Variants in FCN2 observed in about 807,000 individuals in gnomAD.
The protein encoded by FCN2 is ficolin 2.
Under a neutral mutation model 32.5 loss-of-function variants are expected in FCN2, and 31 were observed. The observed-to-expected ratio is 0.96, with a 90% confidence interval of 0.72 to 1.29. The LOEUF is 1.29. Ranked by LOEUF, FCN2 falls within the 50% of genes most tolerant of loss-of-function variation. The pLI is 0.00. For missense variants in FCN2, 412 were observed against 406.5 expected (o/e 1.01, Z -0.12); for synonymous variants, 181 against 164.5 (o/e 1.10, Z -0.77).
At chr9:134,879,043 T>C (rs1186232143), upstream of FCN2, among the ~76,000 whole-genome samples, 1 of 152,254 alleles carries the variant, frequency 6.6e-6, no homozygotes. Context: ...ATTTATCCTT[T>C]AGTACCTTGT....
the FCN2 span, among the ~76,000 whole-genome samples, chr9:134,864,685 T>C: frequency 3.9e-5 from 6 of 151,990 alleles, no homozygotes; most frequent in Admixed American, 1.3e-4. Context: ...CCCCGGTGGG[T>C]AGAACCTTAG....
the FCN2 span, among the ~76,000 whole-genome samples, chr9:134,867,153 G>A: frequency 1.6e-5 from 2 of 123,736 alleles, no homozygotes; most frequent in Non-Finnish European, 3.3e-5. Context: ...TATACCCAAA[G>A]GACTATAAAT....
upstream of FCN2, among the ~76,000 whole-genome samples, chr9:134,879,851 G>A (rs2132994262): frequency 6.6e-6 from 1 of 152,314 alleles, no homozygotes; most frequent in Non-Finnish European, 1.5e-5. Context: ...GTGGCAGGGT[G>A]CGGTGGTGGT....
chr9:134,871,889 G>A, the FCN2 span, among the ~76,000 whole-genome samples: 1 of 152,164 alleles, frequency 6.6e-6, no homozygotes, highest in South Asian at 2.1e-4. Flanking sequence ...ATTGAGACAA[G>A]GAACAGATCT....
intron 1 of FCN2, 27 bp from the exon 2 acceptor site, chr9:134,882,499 T>A (rs763114441): frequency 6.4e-7 from 1 of 1,570,650 alleles, no homozygotes; most frequent in South Asian, 1.1e-5. Context: ...CAGGTGACAC[T>A]GAGTGGCCAC....
chr9:134,874,570 T>C, the FCN2 span, among the ~76,000 whole-genome samples: 2 of 152,382 alleles, frequency 1.3e-5, no homozygotes, highest in East Asian at 3.9e-4. Context: ...ATTGTTCTAT[T>C]TGTCTGCTTT....
chr9:134,886,952 G>C (rs1452736263), intron 7 of FCN2, among the ~76,000 whole-genome samples: 1 of 152,130 alleles, frequency 6.6e-6, no homozygotes, highest in Non-Finnish European at 1.5e-5. Flanking sequence ...TACACATTAG[G>C]TGGCAGGGCT....
the FCN2 span, among the ~76,000 whole-genome samples, chr9:134,871,644 C>T: frequency 4.7e-4 from 71 of 152,260 alleles, no homozygotes; most frequent in Non-Finnish European, 7.6e-4. Flanking sequence ...TTCTAGGACC[C>T]GGTGCTGAGA....
chr9:134,874,242 T>C, the FCN2 span, among the ~76,000 whole-genome samples: 2 of 152,256 alleles, frequency 1.3e-5, no homozygotes, highest in Non-Finnish European at 2.9e-5. Context: ...TTAATTTTGA[T>C]ACAATCCGTT....
At chr9:134,880,219 C>T (rs1300380301), upstream of FCN2, among the ~76,000 whole-genome samples, 3 of 152,172 alleles carry the variant, frequency 2.0e-5, no homozygotes, top group African/African-American at 7.2e-5. Context: ...CCCTCCTGTT[C>T]ATGTGCCCCT....
At chr9:134,883,920 C>T (rs2133002631) in intron 3 of FCN2, among the ~76,000 whole-genome samples, 1 of 138,034 alleles carries the variant, frequency 7.2e-6, no homozygotes, top group East Asian at 2.3e-4. Context: ...AGCATCTGCC[C>T]TGTGGGTGGG....
chr9:134,866,865 T>C, the FCN2 span, among the ~76,000 whole-genome samples: 6 of 141,080 alleles, frequency 4.3e-5, no homozygotes, highest in Admixed American at 7.0e-5. Context: ...AAGACATTTA[T>C]GCAGCCAAAA....
Position 134,887,433 on chromosome 9 carries a change from G to C in FCN2, c.*18G>C, listed in dbSNP as rs1163332590. Reference sequence around the variant, plus strand: ...CTGCCTAGCCCAGGCCGGCCTCAGGGTCAGGACGCCTCCACACATAGTTGG... The same window carrying C: ...CTGCCTAGCCCAGGCCGGCCTCAGGCTCAGGACGCCTCCACACATAGTTGG... On this transcript the variant is annotated 3_prime_UTR_variant, in exon 8 of 8. Coordinates refer to ENST00000291744, the MANE Select transcript of FCN2 (RefSeq NM_004108.3). The C allele has an allele frequency of 1.6e-5, 26 of 1,613,498 alleles. No individual in the cohort carries two copies. The highest frequency in any genetic ancestry group is 2.2e-5 in the Non-Finnish European group (26 of 1,179,580).
rs79264803 is a variant in FCN2, at chr9:134,885,189, C to T, written c.302-50C>T. 3.9e-3 allele frequency: 6,258 copies of T among 1,612,682 alleles called. 198 individuals are homozygous for T. In the African/African-American group the frequency reaches 0.071, roughly 18 times the overall value. ...CCAGGCCTCCCTCCTACTGCCTGTGCCCTGCCCAGGGCTCCTGTCCTGCAG... is the reference window on the plus strand; with the variant it reads ...CCAGGCCTCCCTCCTACTGCCTGTGTCCTGCCCAGGGCTCCTGTCCTGCAG... On this transcript the variant is annotated intron_variant, in intron 4 of 7. Coordinates refer to ENST00000291744, the MANE Select transcript of FCN2 (RefSeq NM_004108.3).
At chr9:134,879,326 A>C (rs892655524), upstream of FCN2, among the ~76,000 whole-genome samples, 8 of 152,210 alleles carry the variant, frequency 5.3e-5, no homozygotes, top group African/African-American at 1.9e-4. Flanking sequence ...TAAAATATTA[A>C]TATAATGTCT....
Position 134,885,468 on chromosome 9 carries a change from C to T in FCN2, c.429+102C>T, listed in dbSNP as rs75123259. 8,968 of 1,525,522 alleles carry T rather than the reference C, an allele frequency of 5.9e-3. 425 individuals carry two copies. The African/African-American group carries it at 0.11, about 18-fold the overall frequency. The allele number at this position is 1,525,522 out of a possible 1,614,324, so 94.5% of individuals were successfully genotyped here. A position where few individuals can be genotyped will look rare whatever the true frequency, so the allele number is the denominator to read the frequency against. ...CTCTGGAATTCTCTATTCTCCTGGT[C>T]GGGGACAGTCAGAGATGATGGGGGA... is the stretch of plus-strand genomic sequence containing the variant. On this transcript the variant is annotated intron_variant, in intron 5 of 7. Transcript: ENST00000291744.
chr9:134,864,498 G>C, the FCN2 span, among the ~76,000 whole-genome samples: 14 of 152,322 alleles, frequency 9.2e-5, 1 homozygote, highest in African/African-American at 3.4e-4. Flanking sequence ...GGGAAATGGA[G>C]AGAGAGGTTA....
chr9:134,885,486 A>T (rs1046934393), intron 5 of FCN2, 120 bp downstream of exon 5: 1 of 1,475,458 alleles, frequency 6.8e-7, no homozygotes, highest in African/African-American at 1.4e-5. Flanking sequence ...GTCAGAGATG[A>T]TGGGGGAGAT....
chr9:134,882,564 A>ACCATTCT lies in FCN2; in HGVS notation c.142_148dup (p.Arg50HisfsTer87). ...GGGCCTGGAGGGCTCTGACAAGCTC[A>ACCATTCT]CCATTCTCCGAGGCTGTCCGGGGCT... On this transcript the variant is annotated frameshift_variant, in exon 2 of 8. Transcript: ENST00000291744. LOFTEE classifies it high-confidence loss of function. The ACCATTCT allele has an allele frequency of 6.2e-7, 1 of 1,614,116 alleles. No homozygotes were observed. The highest frequency in any genetic ancestry group is 1.1e-5 in the South Asian group (1 of 91,084).
Sources: allele counts gnomAD v4.1 joint callset (sites outside exome capture counted in the v4.1 genomes callset), GRCh38; gene constraint gnomAD v4.1.1; transcripts MANE v1.5; gene names NCBI Gene and HGNC (gene_info 2026-07-23, HGNC 2026-07-21).